Variants in TMEM131 observed in about 807,000 individuals in gnomAD.
The protein encoded by TMEM131 is 2610524E03Rik.
TMEM131 carries 66 observed loss-of-function variants against 211.6 expected under a neutral mutation model. That is an observed-to-expected ratio of 0.31 (90% confidence interval 0.26 to 0.38). The LOEUF (loss-of-function observed/expected upper bound fraction) is 0.38. TMEM131 is among the 10% of genes least tolerant of loss of function. TMEM131 has a pLI of 1.00. For synonymous variants in TMEM131, 844 were observed against 841.3 expected (o/e 1.00, Z -0.06); for missense variants, 2,036 against 2,299.3 (o/e 0.89, Z 2.34).
Position 97,766,996 on chromosome 2 carries a change from C to T in TMEM131, c.4449-394G>A, listed in dbSNP as rs948134660. ...GTCTCTCCCAGCATCTAGACCACCA[C>T]CAGTGGGATTCCTGAACATGAAGAT... On this transcript the variant is annotated intron_variant, in intron 33 of 40. Coordinates refer to ENST00000186436, the MANE Select transcript of TMEM131 (RefSeq NM_015348.2). 4.6e-5 allele frequency among the ~76,000 whole-genome samples: 7 copies of T among 152,270 alleles called. No homozygotes were observed. The East Asian group carries it at 1.2e-3, about 25-fold the overall frequency.
intron 1 of TMEM131, among the ~76,000 whole-genome samples, chr2:97,990,241 T>C (rs1040853597): frequency 6.6e-6 from 1 of 152,124 alleles, no homozygotes; most frequent in African/African-American, 2.4e-5. Flanking sequence ...AGAACCTTCA[T>C]GATCCAGAAT....
intron 31 of TMEM131, among the ~76,000 whole-genome samples, chr2:97,776,879 C>G (rs1444909254): frequency 6.6e-6 from 1 of 152,166 alleles, no homozygotes; most frequent in Non-Finnish European, 1.5e-5. Context: ...GACACAAGAC[C>G]ACACAGGGCT....
chr2:97,888,188 A>C, intron 3 of TMEM131, 68 bp from the exon 4 acceptor site: 6 of 1,353,594 alleles, frequency 4.4e-6, no homozygotes, highest in Non-Finnish European at 6.1e-6. Flanking sequence ...AACTCTATTC[A>C]GACAGCTGAC....
In TMEM131 at chr2:97,995,808, G is replaced by A; in HGVS notation, c.-146C>T. On this transcript the variant is annotated 5_prime_UTR_variant, in exon 1 of 41. Transcript: ENST00000186436. ...AGCCCGGGGCTCGATCTCCGAGCGT[G>A]GGCCTGGGTCCGTGCGTGCGTGTGA... is the stretch of plus-strand genomic sequence containing the variant. 7.5e-6 allele frequency: 3 copies of A among 398,824 alleles called. No homozygotes were observed. The highest frequency in any genetic ancestry group is 1.1e-5 in the Non-Finnish European group (3 of 261,484). The allele number at this position is 398,824 out of a possible 1,614,324, so 24.7% of individuals were successfully genotyped here. A position where few individuals can be genotyped will look rare whatever the true frequency, so the allele number is the denominator to read the frequency against.
intron 22 of TMEM131, among the ~76,000 whole-genome samples, chr2:97,803,976 A>G (rs1262998619): frequency 1.3e-5 from 2 of 152,216 alleles, no homozygotes; most frequent in Non-Finnish European, 2.9e-5. Flanking sequence ...CATTTTAACC[A>G]TCTTTTTAAA....
chr2:97,906,465 G>C lies in TMEM131; in HGVS notation c.290+2193C>G, dbSNP rs1016863658. On this transcript the variant is annotated intron_variant, in intron 3 of 40. Coordinates refer to ENST00000186436, the MANE Select transcript of TMEM131 (RefSeq NM_015348.2). ...AGCTCTTTCTCCCCACCCTTATCTT[G>C]AATCTAGGCCAATCTAAGTGACTTG... Among the ~76,000 whole-genome samples the C allele has an allele frequency of 3.9e-5, 6 of 152,154 alleles. 1 individual carries two copies. The highest frequency in any genetic ancestry group is 8.8e-5 in the Non-Finnish European group (6 of 68,026).
chr2:97,984,303 T>C (rs767715189), intron 1 of TMEM131, among the ~76,000 whole-genome samples: 121 of 152,184 alleles, frequency 8.0e-4, no homozygotes, highest in Non-Finnish European at 1.5e-3. Context: ...TCATAGAAAA[T>C]TTAACAGCAA....
intron 3 of TMEM131, among the ~76,000 whole-genome samples, chr2:97,899,933 C>T (rs1032371816): frequency 3.9e-5 from 6 of 152,082 alleles, no homozygotes; most frequent in Admixed American, 1.3e-4. Context: ...GTACACAATA[C>T]GGATGCTTCT....
chr2:97,805,959 T>C (rs1390903559), intron 19 of TMEM131, among the ~76,000 whole-genome samples: 2 of 152,236 alleles, frequency 1.3e-5, no homozygotes, highest in Non-Finnish European at 2.9e-5. Context: ...CTGATTGACG[T>C]TAACATTCAC....
At chr2:97,993,550 T>C (rs1266640922) in intron 1 of TMEM131, among the ~76,000 whole-genome samples, 1 of 152,262 alleles carries the variant, frequency 6.6e-6, no homozygotes, top group African/African-American at 2.4e-5. Flanking sequence ...TAGAGGCCTA[T>C]GTTCTATATC....
intron 11 of TMEM131, chr2:97,827,561 C>A (rs1249093200): frequency 9.7e-6 from 9 of 927,602 alleles, no homozygotes; most frequent in East Asian, 2.4e-5. Context: ...TAACCATATA[C>A]CATGTCTTAT....
intron 38 of TMEM131, chr2:97,759,973 G>T: frequency 2.0e-6 from 1 of 495,720 alleles, no homozygotes; most frequent in Non-Finnish European, 3.6e-6. Flanking sequence ...TCACAGCCAG[G>T]TTCAAAGCAA....
intron 29 of TMEM131, among the ~76,000 whole-genome samples, chr2:97,794,513 T>G (rs1405553744): frequency 6.6e-6 from 1 of 152,230 alleles, no homozygotes; most frequent in Non-Finnish European, 1.5e-5. Context: ...TAAATTAGTT[T>G]AGAGGTGAAT....
At chr2:97,835,469 A>G (rs577623049) in intron 8 of TMEM131, among the ~76,000 whole-genome samples, 1 of 152,308 alleles carries the variant, frequency 6.6e-6, no homozygotes, top group Non-Finnish European at 1.5e-5. Context: ...GACAGCATAC[A>G]TTTTCAGTCC....
At chr2:97,845,759 C>CAAAAAAAAAAAA (rs59502408) in intron 5 of TMEM131, among the ~76,000 whole-genome samples, 1 of 122,194 alleles carries the variant, frequency 8.2e-6, no homozygotes, top group Non-Finnish European at 1.7e-5. Flanking sequence ...CAGAAAGTAG[C>CAAAAAAAAAAAA]AAAAAAAAAA....
At chr2:97,812,990 T>TAA (rs1314309505) in intron 15 of TMEM131, among the ~76,000 whole-genome samples, 3 of 144,676 alleles carry the variant, frequency 2.1e-5, no homozygotes, top group Non-Finnish European at 3.0e-5. Flanking sequence ...AGACTCCATC[T>TAA]AAAAAAAAAA....
chr2:97,952,203 GT>G (rs2104535760), intron 1 of TMEM131, among the ~76,000 whole-genome samples: 1 of 150,796 alleles, frequency 6.6e-6, no homozygotes, highest in East Asian at 1.9e-4. Context: ...TGCAGAAAAA[GT>G]AGGCTGAAAC....
At chr2:97,924,024 G>A (rs1460698260) in intron 2 of TMEM131, among the ~76,000 whole-genome samples, 2 of 151,994 alleles carry the variant, frequency 1.3e-5, no homozygotes, top group Non-Finnish European at 2.9e-5. Context: ...AGCTTGCAGT[G>A]AGCCGAGACT....
intron 1 of TMEM131, among the ~76,000 whole-genome samples, chr2:97,962,065 A>G (rs1678841861): frequency 6.6e-6 from 1 of 152,236 alleles, no homozygotes; most frequent in Non-Finnish European, 1.5e-5. Context: ...TTCTAGAGAA[A>G]CACACAGGAG....
Sources: allele counts gnomAD v4.1 joint callset (sites outside exome capture counted in the v4.1 genomes callset), GRCh38; gene constraint gnomAD v4.1.1; transcripts MANE v1.5; gene names NCBI Gene and HGNC (gene_info 2026-07-23, HGNC 2026-07-21).